TNNI3K: variants seen among roughly 807,000 people sequenced by gnomAD.
TNNI3K encodes the protein TNNI3 interacting kinase.
In TNNI3K, 140 loss-of-function variants were observed where a neutral mutation model predicts 114.5. The ratio of observed to expected loss-of-function variants is 1.22; its 90% CI spans 1.07 to 1.41. TNNI3K has a LOEUF of 1.41. Among genes scored for constraint, TNNI3K ranks in the 40% most tolerant of loss-of-function variants. TNNI3K has a pLI of 0.00. For missense variants in TNNI3K, 1,125 were observed against 1,007.6 expected (o/e 1.12, Z -1.58); for synonymous variants, 347 against 347.5 (o/e 1.00, Z 0.02).
chr1:74,405,144 G>A (rs1402114753), intron 17 of TNNI3K, among the ~76,000 whole-genome samples: 1 of 152,154 alleles, frequency 6.6e-6, no homozygotes, highest in Non-Finnish European at 1.5e-5. Context: ...AAGGCTTCTA[G>A]AAAGAGATGG....
At chr1:74,518,541 A>G (rs1215856225) in intron 23 of TNNI3K, among the ~76,000 whole-genome samples, 2 of 152,068 alleles carry the variant, frequency 1.3e-5, no homozygotes, top group African/African-American at 4.8e-5. Context: ...TATGGTTCCC[A>G]CTGCTTACAG....
At chr1:74,459,149 C>A (rs1272297067) in intron 20 of TNNI3K, among the ~76,000 whole-genome samples, 1 of 152,134 alleles carries the variant, frequency 6.6e-6, no homozygotes, top group Non-Finnish European at 1.5e-5. Context: ...CCATAGAATA[C>A]TATATGGCCA....
At chr1:74,369,612 C>G (rs200702833) in intron 16 of TNNI3K, 27 bp downstream of exon 16, 3 of 1,549,580 alleles carry the variant, frequency 1.9e-6, no homozygotes, top group Non-Finnish European at 2.6e-6. Flanking sequence ...CTGATTTATC[C>G]TTGGACATTC....
At chr1:74,466,465 C>G (rs1667685722) in intron 21 of TNNI3K, among the ~76,000 whole-genome samples, 1 of 151,842 alleles carries the variant, frequency 6.6e-6, no homozygotes, top group Admixed American at 6.6e-5. Flanking sequence ...CCAAAGGATA[C>G]TGTTAAAAAA....
At chr1:74,324,436 T>C (rs1231728111) in intron 5 of TNNI3K, among the ~76,000 whole-genome samples, 1 of 152,208 alleles carries the variant, frequency 6.6e-6, no homozygotes, top group South Asian at 2.1e-4. Flanking sequence ...AATATGATGA[T>C]CACTGAAATA....
intron 23 of TNNI3K, among the ~76,000 whole-genome samples, chr1:74,521,184 A>G (rs1239595664): frequency 6.6e-6 from 1 of 152,158 alleles, no homozygotes; most frequent in Non-Finnish European, 1.5e-5. Flanking sequence ...TATTGTAGTT[A>G]TAAGGAGCAT....
chr1:74,238,322 A>T (rs1200786799), intron 2 of TNNI3K, among the ~76,000 whole-genome samples: 2 of 151,988 alleles, frequency 1.3e-5, no homozygotes, highest in African/African-American at 2.4e-5. Context: ...CCTCATTTTC[A>T]TCTATAAAAT....
chr1:74,250,649 C>T, intron 3 of TNNI3K, 23 bp from the exon 4 acceptor site: 3 of 1,605,398 alleles, frequency 1.9e-6, no homozygotes, highest in Non-Finnish European at 2.6e-6. Flanking sequence ...ATGATTTAGC[C>T]TTTTTTCATT....
intron 21 of TNNI3K, among the ~76,000 whole-genome samples, chr1:74,482,305 G>A (rs1028989169): frequency 2.0e-5 from 3 of 152,128 alleles, no homozygotes; most frequent in African/African-American, 7.2e-5. Flanking sequence ...CACAAATATG[G>A]TGTTCTGTAA....
At chr1:74,263,294 T>G (rs1278842084) in intron 4 of TNNI3K, among the ~76,000 whole-genome samples, 1 of 152,076 alleles carries the variant, frequency 6.6e-6, no homozygotes, top group Admixed American at 6.6e-5. Context: ...CTCAACAGGC[T>G]AAGCCATATA....
chr1:74,369,102 A>G lies in TNNI3K; in HGVS notation c.1402A>G (p.Ile468Val). 1 of 1,609,912 alleles carries G rather than the reference A, an allele frequency of 6.2e-7. No individual in the cohort carries two copies. Among genetic ancestry groups the G allele is most frequent in the Non-Finnish European group, 8.5e-7 (1 of 1,178,158 alleles). The change falls in exon 14 of 25, where the codon ATT becomes GTT. Residue 468 changes from isoleucine to valine, a missense_variant. Physicochemically the swap from Ile to Val is conservative, Grantham distance 29 (BLOSUM62 3). Coordinates refer to ENST00000326637, the MANE Select transcript of TNNI3K (RefSeq NM_015978.3). Reference sequence around the variant, plus strand: ...GCTCTCAGAAATTGAGTTCCATGAGATTATTGGCTCAGGTAACCTAAAATA... The same window carrying G: ...GCTCTCAGAAATTGAGTTCCATGAGGTTATTGGCTCAGGTAACCTAAAATA... ...LQLSEIEFHEIIGSGSFGKVY... is the reference protein window; with the variant it reads ...LQLSEIEFHEVIGSGSFGKVY...
In TNNI3K at chr1:74,464,321, T is replaced by G. The variant is rs575005835; in HGVS notation, c.2121+771T>G. Among the ~76,000 whole-genome samples the G allele has an allele frequency of 3.7e-4, 56 of 152,352 alleles. 1 individual carries two copies. The South Asian group carries it at 3.9e-3, about 11-fold the overall frequency. On this transcript the variant is annotated intron_variant, in intron 21 of 24. Coordinates refer to ENST00000326637, the MANE Select transcript of TNNI3K (RefSeq NM_015978.3). ...CCTTCTGCCAGTATATTTTGTTGTC[T>G]ATTAAAATCCTTGTGTTTTGATATC...
chr1:74,344,405 C>A (rs971090617), intron 9 of TNNI3K, among the ~76,000 whole-genome samples: 3 of 152,134 alleles, frequency 2.0e-5, no homozygotes, highest in African/African-American at 7.2e-5. Flanking sequence ...AATAATGTTG[C>A]AAATGGCTAC....
chr1:74,460,256 A>G (rs1667399705), intron 20 of TNNI3K, among the ~76,000 whole-genome samples: 1 of 152,002 alleles, frequency 6.6e-6, no homozygotes, highest in African/African-American at 2.4e-5. Flanking sequence ...TTTAGTAGAG[A>G]TGCGGTTTCA....
chr1:74,300,655 T>C (rs1261926504), intron 5 of TNNI3K, among the ~76,000 whole-genome samples: 1 of 152,232 alleles, frequency 6.6e-6, no homozygotes, highest in Non-Finnish European at 1.5e-5. Flanking sequence ...AGCAGAATTA[T>C]TCACAATTCC....
At chr1:74,464,426 G>A (rs1225033976) in intron 21 of TNNI3K, among the ~76,000 whole-genome samples, 1 of 152,060 alleles carries the variant, frequency 6.6e-6, no homozygotes, top group Non-Finnish European at 1.5e-5. Context: ...AGACCTAATG[G>A]TTCTTATTTT....
intron 5 of TNNI3K, among the ~76,000 whole-genome samples, chr1:74,285,583 T>G (rs1165305101): frequency 6.6e-6 from 1 of 152,186 alleles, no homozygotes; most frequent in Non-Finnish European, 1.5e-5. Context: ...TGAGCATAGT[T>G]TTATTTGATT....
chr1:74,389,734 A>G (rs1246731192), intron 17 of TNNI3K, among the ~76,000 whole-genome samples: 2 of 152,356 alleles, frequency 1.3e-5, no homozygotes, highest in East Asian at 3.9e-4. Flanking sequence ...AAACTGTTGA[A>G]TGATTAACCA....
chr1:74,426,075 G>A (rs922748014), intron 17 of TNNI3K, among the ~76,000 whole-genome samples: 1 of 152,094 alleles, frequency 6.6e-6, no homozygotes, highest in African/African-American at 2.4e-5. Context: ...ATGGGACTAA[G>A]TACATTTTTA....
Sources: gnomAD v4.1 joint callset for allele counts (sites outside exome capture counted in the v4.1 genomes callset) on GRCh38, gnomAD v4.1.1 for gene constraint, MANE v1.5 for transcripts, NCBI Gene and HGNC (gene_info 2026-07-23, HGNC 2026-07-21) for gene names.